The following DOLPP1 variants were observed in gnomAD, a reference collection of about 807,000 sequenced individuals.
DOLPP1 encodes the protein dolichyldiphosphatase 1, also known as dolichyl pyrophosphate phosphatase 1.
In DOLPP1, 15 loss-of-function variants were observed where a neutral mutation model predicts 34.1. The observed-to-expected ratio is 0.44, with a 90% CI of 0.29 to 0.68. DOLPP1 has a LOEUF of 0.68. Among genes scored for constraint, DOLPP1 ranks in the 30% least tolerant of loss-of-function variants. The pLI, the probability that DOLPP1 is intolerant of heterozygous loss-of-function variation, is 0.12. For synonymous variants in DOLPP1, 130 were observed against 128.2 expected, an observed-to-expected ratio of 1.01 and a Z score of -0.10; for missense variants, 249 against 307.1, an observed-to-expected ratio of 0.81 and a Z score of 1.41.
chr9:129,083,776 G>A (rs935678726), intron 1 of DOLPP1, among the ~76,000 whole-genome samples: 2 of 152,170 alleles, frequency 1.3e-5, no homozygotes, highest in Non-Finnish European at 2.9e-5. Flanking sequence ...TTCCACAAGT[G>A]GGTGAGCTGA....
intron 7 of DOLPP1, among the ~76,000 whole-genome samples, chr9:129,087,967 G>C (rs1018069154): frequency 6.6e-6 from 1 of 151,750 alleles, no homozygotes; most frequent in Non-Finnish European, 1.5e-5. Context: ...GGGCACACCT[G>C]TTCTGTGCCA....
At chr9:129,084,905 G>A (rs769228245) in intron 2 of DOLPP1, 118 bp from the exon 3 acceptor site, 5 of 1,296,792 alleles carry the variant, frequency 3.9e-6, no homozygotes, top group Non-Finnish European at 5.5e-6. Context: ...CCTCCTGGCT[G>A]GTTCTAGGTT....
In DOLPP1 at chr9:129,085,177, C is replaced by T. The variant is rs183641758; in HGVS notation, c.263-30C>T. Reference sequence around the variant, plus strand: ...CGTTACTGGGAGGTCTGCATCCCCCCGTGATGCCCTGGTCTCCTCTCTCTC... The same window carrying T: ...CGTTACTGGGAGGTCTGCATCCCCCTGTGATGCCCTGGTCTCCTCTCTCTC... On this transcript the variant is annotated intron_variant, in intron 3 of 7. Transcript: ENST00000372546. The surrounding 1 kb of genome is among the most constrained non-coding windows in gnomAD (Gnocchi z 7.0). The T allele has an allele frequency of 3.2e-5, 51 of 1,610,058 alleles. 1 individual carries two copies. The African/African-American group carries it at 4.4e-4, about 14-fold the overall frequency.
intron 7 of DOLPP1, among the ~76,000 whole-genome samples, chr9:129,088,313 G>T (rs772163556): frequency 1.6e-4 from 25 of 152,264 alleles, no homozygotes; most frequent in Middle Eastern, 3.4e-3. Context: ...AGCAAGGGGT[G>T]TGTTGTGGGA....
intron 7 of DOLPP1, 56 bp from the exon 8 acceptor site, chr9:129,088,915 C>CT (rs1162244579): frequency 1.3e-6 from 2 of 1,586,726 alleles, no homozygotes; most frequent in African/African-American, 2.7e-5. Context: ...GTGGGGACAG[C>CT]TGTAGGTCAC....
intron 1 of DOLPP1, among the ~76,000 whole-genome samples, chr9:129,081,706 T>A (rs1846892966): frequency 6.6e-6 from 1 of 152,190 alleles, no homozygotes; most frequent in African/African-American, 2.4e-5. Flanking sequence ...TGCCACGCCC[T>A]GAGCAGGGCA....
chr9:129,085,210 C>G lies in DOLPP1; in HGVS notation c.266C>G (p.Pro89Arg), dbSNP rs1846966036. The G allele has an allele frequency of 1.2e-6, 2 of 1,613,880 alleles. No homozygotes were observed. Among genetic ancestry groups the G allele is most frequent in the Admixed American group, 1.7e-5 (1 of 59,998 alleles). Residue 89 changes from proline (P) to arginine (R), a missense_variant, in exon 4 of 8, where the codon CCC (proline) becomes CGC (arginine). Coordinates refer to ENST00000372546, the MANE Select transcript of DOLPP1 (RefSeq NM_020438.5). This position sits in a 1 kb window ranked among gnomAD's most constrained non-coding sequence, Gnocchi z 7.0. ...CCTGGTCTCCTCTCTCTCCCAGGCCCCCACACAGCAGTGGGCACCAAGTAC... is the reference window on the plus strand; with the variant it reads ...CCTGGTCTCCTCTCTCTCCCAGGCCGCCACACAGCAGTGGGCACCAAGTAC... ...VIQEPRPCGG[P>R]HTAVGTKYGM... is the part of the protein sequence containing the mutation.
At chr9:129,088,111 A>G (rs1014312026) in intron 7 of DOLPP1, among the ~76,000 whole-genome samples, 2 of 127,362 alleles carry the variant, frequency 1.6e-5, no homozygotes, top group African/African-American at 2.9e-5. Context: ...TCGGGAGCCT[A>G]TGTGGGGACG....
At chr9:129,086,044 C>A in intron 5 of DOLPP1, 95 bp from the exon 6 acceptor site, 3 of 1,258,654 alleles carry the variant, frequency 2.4e-6, no homozygotes, top group Non-Finnish European at 3.4e-6. Context: ...CATGTGTGGG[C>A]ACAGGTCCCT....
intron 7 of DOLPP1, among the ~76,000 whole-genome samples, chr9:129,087,528 G>A (rs1038316176): frequency 7.2e-5 from 11 of 152,260 alleles, no homozygotes; most frequent in African/African-American, 2.6e-4. Context: ...GTGTTAGCCA[G>A]GATGGTCTCA....
rs745414713 is a variant in DOLPP1 at position 129,086,758 on chromosome 9, G to A, written c.640G>A (p.Val214Ile). 175 of 1,613,758 alleles carry A rather than the reference G, an allele frequency of 1.1e-4. No homozygotes were observed. Among genetic ancestry groups the A allele is most frequent in the Middle Eastern group, 1.6e-4 (1 of 6,084 alleles). ...LIRDTSLIPN[V>I]LWFEYTVTRA... ...CCGAGACACAAGCCTCATTCCCAACGTACTCTGGTTTGAGTACACGGTAAC... is the reference window on the plus strand; with the variant it reads ...CCGAGACACAAGCCTCATTCCCAACATACTCTGGTTTGAGTACACGGTAAC... Residue 214 changes from valine to isoleucine, a missense_variant, in exon 7 of 8, where the codon GTA becomes ATA. Transcript: ENST00000372546.
intron 1 of DOLPP1, among the ~76,000 whole-genome samples, chr9:129,082,217 A>G (rs138580428): frequency 0.015 from 2,281 of 152,070 alleles, 38 homozygotes; most frequent in Middle Eastern, 0.031. Context: ...AGATGTGAGA[A>G]CCTGGGTCCG....
intron 2 of DOLPP1, 44 bp downstream of exon 2, chr9:129,084,812 C>A: frequency 9.4e-7 from 1 of 1,061,480 alleles, no homozygotes; most frequent in Non-Finnish European, 1.3e-6. Context: ...ACCCCCAGTG[C>A]CCCCACCCTG....
chr9:129,085,188 G>A lies in DOLPP1; in HGVS notation c.263-19G>A. On this transcript the variant is annotated intron_variant, in intron 3 of 7. Transcript: ENST00000372546. The surrounding 1 kb of genome is among the most constrained non-coding windows in gnomAD (Gnocchi z 7.0). ...GGTCTGCATCCCCCCGTGATGCCCT[G>A]GTCTCCTCTCTCTCCCAGGCCCCCA... 1 of 1,613,384 alleles carries A rather than the reference G, an allele frequency of 6.2e-7. No individual in the cohort carries two copies. Among genetic ancestry groups the A allele is most frequent in the Non-Finnish European group, 8.5e-7 (1 of 1,179,516 alleles).
intron 2 of DOLPP1, 70 bp from the exon 3 acceptor site, chr9:129,084,953 T>C: frequency 2.0e-6 from 3 of 1,513,038 alleles, no homozygotes; most frequent in Non-Finnish European, 2.7e-6. Context: ...TCAGAGGCCA[T>C]GGTCTTTGGG....
intron 7 of DOLPP1, among the ~76,000 whole-genome samples, chr9:129,087,317 T>C (rs537256901): frequency 4.2e-5 from 4 of 94,166 alleles, no homozygotes; most frequent in East Asian, 3.4e-4. Context: ...TTCTTTTTTT[T>C]CTTTTTTTTT....
chr9:129,085,189 G>A lies in DOLPP1; in HGVS notation c.263-18G>A. ...GTCTGCATCCCCCCGTGATGCCCTGGTCTCCTCTCTCTCCCAGGCCCCCAC... is the reference window on the plus strand; with the variant it reads ...GTCTGCATCCCCCCGTGATGCCCTGATCTCCTCTCTCTCCCAGGCCCCCAC... On this transcript the variant is annotated intron_variant, in intron 3 of 7. Transcript: ENST00000372546. This position sits in a 1 kb window ranked among gnomAD's most constrained non-coding sequence, Gnocchi z 7.0. 1 of 1,613,578 alleles carries A rather than the reference G, an allele frequency of 6.2e-7. No individual in the cohort carries two copies. Among genetic ancestry groups the A allele is most frequent in the Non-Finnish European group, 8.5e-7 (1 of 1,179,700 alleles).
At chr9:129,088,399 C>T (rs1353036521) in intron 7 of DOLPP1, among the ~76,000 whole-genome samples, 2 of 152,180 alleles carry the variant, frequency 1.3e-5, no homozygotes, top group East Asian at 3.9e-4. Flanking sequence ...ACCCCATTCT[C>T]CTCTACTGAG....
chr9:129,084,571 G>A (rs1486967744), intron 1 of DOLPP1, 97 bp from the exon 2 acceptor site: 18 of 928,802 alleles, frequency 1.9e-5, no homozygotes, highest in South Asian at 3.9e-5. Flanking sequence ...AGGCCCTGCC[G>A]GGACCTCCTT....
Sources: allele counts gnomAD v4.1 joint callset (sites outside exome capture counted in the v4.1 genomes callset), GRCh38; gene constraint gnomAD v4.1.1; non-coding constraint Gnocchi (gnomAD v3.1); transcripts MANE v1.5; gene names NCBI Gene and HGNC (gene_info 2026-07-23, HGNC 2026-07-21).